The following FSD1L variants were observed in gnomAD, a reference collection of about 807,000 sequenced individuals.
The protein encoded by FSD1L is FSD1-like protein.
Under a neutral mutation model 71.6 loss-of-function variants are expected in FSD1L, and 45 were observed. The observed-to-expected ratio is 0.63, with a 90% CI of 0.49 to 0.81. FSD1L has a LOEUF of 0.81. FSD1L is among the 30% of genes least tolerant of loss of function. FSD1L has a pLI of 0.00. For synonymous variants in FSD1L, 197 were observed against 207.2 expected (o/e 0.95, Z 0.42); for missense variants, 561 against 618.1 (o/e 0.91, Z 0.98).
intron 7 of FSD1L, among the ~76,000 whole-genome samples, chr9:105,495,452 C>T (rs1482542732): frequency 9.2e-5 from 14 of 152,218 alleles, no homozygotes; most frequent in Admixed American, 9.2e-4. Context: ...CTTGCTCTTC[C>T]CGAGTGAGGC....
intron 4 of FSD1L, among the ~76,000 whole-genome samples, chr9:105,470,381 T>C (rs1485882902): frequency 6.6e-6 from 1 of 152,230 alleles, no homozygotes; most frequent in Non-Finnish European, 1.5e-5. Flanking sequence ...TTCCAATCTA[T>C]GAACATGAAT....
intron 2 of FSD1L, among the ~76,000 whole-genome samples, chr9:105,463,681 A>C (rs950252894): frequency 6.6e-6 from 1 of 152,244 alleles, no homozygotes; most frequent in African/African-American, 2.4e-5. Flanking sequence ...AAGCATTATC[A>C]AAGTCTGAGC....
chr9:105,469,758 A>G (rs945738486), intron 4 of FSD1L, among the ~76,000 whole-genome samples: 3 of 122,976 alleles, frequency 2.4e-5, no homozygotes, highest in Non-Finnish European at 5.4e-5. Context: ...TGGTTGTTCT[A>G]TTTGATATAG....
intron 10 of FSD1L, among the ~76,000 whole-genome samples, chr9:105,515,034 T>G (rs1834618797): frequency 6.6e-6 from 1 of 151,902 alleles, no homozygotes; most frequent in South Asian, 2.1e-4. Context: ...TGAATAGAGG[T>G]GCCTAGGGTA....
chr9:105,509,054 A>G (rs892220834), intron 9 of FSD1L, among the ~76,000 whole-genome samples: 1 of 152,238 alleles, frequency 6.6e-6, no homozygotes, highest in African/African-American at 2.4e-5. Flanking sequence ...TTATGAATCA[A>G]TATTGGGGAA....
At chr9:105,495,743 G>A (rs1278053309) in intron 7 of FSD1L, among the ~76,000 whole-genome samples, 3 of 152,168 alleles carry the variant, frequency 2.0e-5, no homozygotes, top group African/African-American at 7.2e-5. Flanking sequence ...TTGGGAGCCC[G>A]AGGCGGGCAG....
At chr9:105,527,883 T>C (rs1395007213) in intron 10 of FSD1L, among the ~76,000 whole-genome samples, 1 of 152,164 alleles carries the variant, frequency 6.6e-6, no homozygotes, top group Non-Finnish European at 1.5e-5. Context: ...CATGATTGTA[T>C]ATTTAGAAAA....
chr9:105,494,980 G>T (rs568244802), intron 7 of FSD1L, among the ~76,000 whole-genome samples: 8 of 152,330 alleles, frequency 5.3e-5, no homozygotes, highest in African/African-American at 4.8e-5. Context: ...GAGGCTGTCT[G>T]CCTGTTCTCA....
intron 1 of FSD1L, among the ~76,000 whole-genome samples, chr9:105,453,760 A>G (rs1429739357): frequency 6.6e-6 from 1 of 152,236 alleles, no homozygotes; most frequent in Non-Finnish European, 1.5e-5. Context: ...CTTGTTTGCA[A>G]TGCGTGGCTG....
intron 4 of FSD1L, among the ~76,000 whole-genome samples, chr9:105,469,157 C>G (rs535909972): frequency 1.3e-5 from 2 of 152,098 alleles, no homozygotes; most frequent in Admixed American, 6.6e-5. Context: ...TTTCTTTATC[C>G]ATTTATATGT....
chr9:105,529,412 G>C lies in FSD1L; in HGVS notation c.1026-5081G>C, dbSNP rs558977697. Among the ~76,000 whole-genome samples the C allele has an allele frequency of 4.6e-5, 7 of 152,228 alleles. No individual in the cohort carries two copies. In the South Asian group the frequency reaches 1.5e-3, roughly 32 times the overall value. On this transcript the variant is annotated intron_variant, in intron 10 of 13. Coordinates refer to ENST00000481272, the MANE Select transcript of FSD1L (RefSeq NM_001145313.3). ...TGATAGACTGGATAAAGAAAATGTG[G>C]CACATATACACCATGGAATACTACA...
chr9:105,512,215 T>A (rs535833447), intron 9 of FSD1L, among the ~76,000 whole-genome samples: 30 of 92,726 alleles, frequency 3.2e-4, no homozygotes, highest in South Asian at 2.3e-3. Context: ...GGTTTTTTTT[T>A]AAATTTATGT....
intron 10 of FSD1L, among the ~76,000 whole-genome samples, chr9:105,530,221 T>G (rs891167833): frequency 2.0e-5 from 3 of 152,064 alleles, no homozygotes; most frequent in Non-Finnish European, 4.4e-5. Context: ...GGTAAAACAG[T>G]CCAGACTAGA....
intron 13 of FSD1L, among the ~76,000 whole-genome samples, chr9:105,544,370 G>T (rs1397623793): frequency 6.6e-6 from 1 of 152,154 alleles, no homozygotes; most frequent in African/African-American, 2.4e-5. Flanking sequence ...CTCCCATTCT[G>T]TAGGTTGCCT....
intron 7 of FSD1L, among the ~76,000 whole-genome samples, chr9:105,485,742 T>C (rs149541704): frequency 0.032 from 4,834 of 151,460 alleles, 277 homozygotes; most frequent in African/African-American, 0.11. Context: ...CTCCTGGGTT[T>C]GCGCCATTCT....
intron 5 of FSD1L, among the ~76,000 whole-genome samples, chr9:105,478,051 T>C (rs1364297733): frequency 1.3e-5 from 2 of 152,110 alleles, no homozygotes; most frequent in South Asian, 2.1e-4. Flanking sequence ...AAGACTGTCT[T>C]GTCTAACATG....
At chr9:105,519,967 C>T (rs934593609) in intron 10 of FSD1L, among the ~76,000 whole-genome samples, 1 of 152,218 alleles carries the variant, frequency 6.6e-6, no homozygotes. Flanking sequence ...GAGGTGGCGG[C>T]CCTGGCCTGG....
At chr9:105,459,866 C>T (rs1042195642) in intron 1 of FSD1L, among the ~76,000 whole-genome samples, 5 of 152,174 alleles carry the variant, frequency 3.3e-5, no homozygotes, top group Non-Finnish European at 7.3e-5. Context: ...CTAAAGATTG[C>T]AGTGCGTCCT....
chr9:105,537,497 G>A (rs1836342706), intron 12 of FSD1L, among the ~76,000 whole-genome samples: 1 of 151,544 alleles, frequency 6.6e-6, no homozygotes, highest in African/African-American at 2.4e-5. Context: ...CCCATACTCT[G>A]TGAGTCCATA....
Sources: gnomAD v4.1 joint callset for allele counts (sites outside exome capture counted in the v4.1 genomes callset) on GRCh38, gnomAD v4.1.1 for gene constraint, MANE v1.5 for transcripts, NCBI Gene and HGNC (gene_info 2026-07-23, HGNC 2026-07-21) for gene names.